CSMD1: variants seen among roughly 807,000 people sequenced by gnomAD.
CSMD1 encodes CUB and Sushi multiple domains 1, also known as CUB and sushi domain-containing protein 1.
Under a neutral mutation model 417.5 loss-of-function variants are expected in CSMD1, and 213 were observed. That is an observed-to-expected ratio of 0.51 (90% confidence interval 0.46 to 0.57). The LOEUF is 0.57. Among genes scored for constraint, CSMD1 ranks in the 20% least tolerant of loss-of-function variants. The pLI is 0.00. For synonymous variants in CSMD1, 2,862 were observed against 1,736.8 expected (o/e 1.65, Z -16.11); for missense variants, 6,923 against 4,529.7 (o/e 1.53, Z -15.17).
At chr8:4,501,640 C>T (rs538461488) in intron 2 of CSMD1, among the ~76,000 whole-genome samples, 3 of 152,214 alleles carry the variant, frequency 2.0e-5, no homozygotes, top group East Asian at 1.9e-4. Context: ...TTCTGACTAG[C>T]GCCATCCCAC....
intron 5 of CSMD1, among the ~76,000 whole-genome samples, chr8:3,947,065 A>T (rs1368397306): frequency 2.0e-5 from 3 of 152,158 alleles, no homozygotes; most frequent in Non-Finnish European, 4.4e-5. Context: ...ACTTCATTAC[A>T]TGTTGAATAG....
In CSMD1 at chr8:3,179,016, T is replaced by C. The variant is rs374494630; in HGVS notation, c.5725+2094A>G. 3.7e-3 allele frequency among the ~76,000 whole-genome samples: 563 copies of C among 151,444 alleles called. 4 individuals are homozygous for C. In the East Asian group the frequency reaches 0.056, roughly 15 times the overall value. On this transcript the variant is annotated intron_variant, in intron 37 of 69. Transcript: ENST00000635120. ...AGGCTGGAGTGCAGTGGCGCGATCT[T>C]GGCTCACTGCAAGCTCTGCCTCCCG...
chr8:4,387,360 C>T (rs1461908625), intron 3 of CSMD1, among the ~76,000 whole-genome samples: 1 of 151,772 alleles, frequency 6.6e-6, no homozygotes, highest in Non-Finnish European at 1.5e-5. Flanking sequence ...CTCAGAAGTG[C>T]AAATTTCTTC....
intron 1 of CSMD1, among the ~76,000 whole-genome samples, chr8:4,825,245 T>C (rs778536973): frequency 6.6e-6 from 1 of 152,100 alleles, no homozygotes; most frequent in African/African-American, 2.4e-5. Flanking sequence ...TTGGAGGCAT[T>C]TGAAATATGC....
chr8:4,410,012 C>T (rs920124558), intron 3 of CSMD1, among the ~76,000 whole-genome samples: 3 of 152,076 alleles, frequency 2.0e-5, no homozygotes, highest in Non-Finnish European at 2.9e-5. Context: ...TGGGATTTCA[C>T]CATGTTGGCC....
rs940350790 is a variant in CSMD1, at chr8:4,156,329, CAA to C, written c.416-124232_416-124231del. On this transcript the variant is annotated intron_variant, in intron 3 of 69. Coordinates refer to ENST00000635120, the MANE Select transcript of CSMD1 (RefSeq NM_033225.6). ...TCAATGAAGGCTCTGAACGGCCGTG[CAA>C]AGTTTATGTTCTCTCTGGTTTTGAT... is the stretch of plus-strand genomic sequence containing the variant. Among the ~76,000 whole-genome samples, 49 of 152,158 alleles carry C rather than the reference CAA, an allele frequency of 3.2e-4. 1 individual carries two copies. Among genetic ancestry groups the C allele is most frequent in the Admixed American group, 2.0e-3 (30 of 15,294 alleles).
intron 10 of CSMD1, among the ~76,000 whole-genome samples, chr8:3,559,556 G>C (rs999139229): frequency 2.0e-5 from 3 of 152,076 alleles, no homozygotes; most frequent in Admixed American, 6.6e-5. Flanking sequence ...GAAAAGAATT[G>C]GGTTTTTGTG....
chr8:3,906,082 T>A (rs182822061), intron 5 of CSMD1, among the ~76,000 whole-genome samples: 1 of 152,154 alleles, frequency 6.6e-6, no homozygotes, highest in Non-Finnish European at 1.5e-5. Flanking sequence ...ATGCTCTCTC[T>A]TTCCTTCCCA....
chr8:4,670,495 T>A (rs1585424347), intron 1 of CSMD1, among the ~76,000 whole-genome samples: 1 of 152,210 alleles, frequency 6.6e-6, no homozygotes, highest in Non-Finnish European at 1.5e-5. Flanking sequence ...CCCACTTGAA[T>A]TCATTATTAT....
intron 1 of CSMD1, among the ~76,000 whole-genome samples, chr8:4,713,701 C>A (rs1443747257): frequency 1.3e-5 from 2 of 152,208 alleles, no homozygotes; most frequent in African/African-American, 4.8e-5. Flanking sequence ...CTCGCCACTG[C>A]CTCACGGCCT....
chr8:4,586,217 C>A (rs755760949), intron 2 of CSMD1, among the ~76,000 whole-genome samples: 13 of 152,174 alleles, frequency 8.5e-5, no homozygotes, highest in African/African-American at 2.9e-4. Context: ...TTATTGTTAA[C>A]TATGGTGACC....
intron 3 of CSMD1, among the ~76,000 whole-genome samples, chr8:4,247,789 G>C (rs1381444964): frequency 3.9e-5 from 6 of 152,074 alleles, no homozygotes; most frequent in African/African-American, 4.8e-5. Flanking sequence ...TCTGAAAAAA[G>C]TACTGTGGGA....
At chr8:4,044,811 A>AGC in intron 3 of CSMD1, among the ~76,000 whole-genome samples, 2 of 104,506 alleles carry the variant, frequency 1.9e-5, no homozygotes, top group Non-Finnish European at 4.4e-5. Flanking sequence ...CCTGGATGTG[A>AGC]ACCATCCTCG....
intron 3 of CSMD1, among the ~76,000 whole-genome samples, chr8:4,306,739 G>A (rs370314353): frequency 2.2e-4 from 34 of 151,942 alleles, no homozygotes; most frequent in African/African-American, 7.0e-4. Context: ...ATGAGTGCCC[G>A]ACCGCAGCAG....
intron 3 of CSMD1, among the ~76,000 whole-genome samples, chr8:4,182,829 G>C (rs990897199): frequency 6.6e-6 from 1 of 152,086 alleles, no homozygotes; most frequent in Non-Finnish European, 1.5e-5. Flanking sequence ...AATTATAAGG[G>C]TCATTCTAAT....
chr8:4,794,844 C>G (rs958991339), intron 1 of CSMD1, among the ~76,000 whole-genome samples: 1 of 152,074 alleles, frequency 6.6e-6, no homozygotes, highest in Non-Finnish European at 1.5e-5. Context: ...AACTGACCTC[C>G]AAGACAAGAA....
intron 3 of CSMD1, among the ~76,000 whole-genome samples, chr8:4,078,340 A>G (rs1223119834): frequency 1.1e-3 from 110 of 104,636 alleles, no homozygotes; most frequent in Middle Eastern, 6.7e-3. Context: ...TTTGAGAGGG[A>G]GTCTTGCTCT....
intron 59 of CSMD1, among the ~76,000 whole-genome samples, chr8:2,965,163 C>G (rs1268045537): frequency 6.6e-6 from 1 of 152,192 alleles, no homozygotes; most frequent in Non-Finnish European, 1.5e-5. Flanking sequence ...GCCCTGCTCC[C>G]TGTCACTGTA....
intron 49 of CSMD1, among the ~76,000 whole-genome samples, chr8:3,080,978 C>A (rs960213407): frequency 1.3e-5 from 2 of 152,120 alleles, no homozygotes; most frequent in Non-Finnish European, 2.9e-5. Flanking sequence ...AAAGCCAATT[C>A]TAAATAATCT....
Sources: gnomAD v4.1 joint callset for allele counts (sites outside exome capture counted in the v4.1 genomes callset) on GRCh38, gnomAD v4.1.1 for gene constraint, MANE v1.5 for transcripts, NCBI Gene and HGNC (gene_info 2026-07-23, HGNC 2026-07-21) for gene names.